Variants in KCNQ3 observed in about 807,000 individuals in gnomAD.
KCNQ3 encodes potassium voltage-gated channel subfamily Q member 3, also known as potassium voltage-gated channel subfamily KQT member 3.
A neutral mutation model predicts 92.5 loss-of-function variants in KCNQ3; 30 were observed. The ratio of observed to expected loss-of-function variants is 0.32; its 90% CI spans 0.24 to 0.44. The LOEUF (loss-of-function observed/expected upper bound fraction) is 0.44. Ranked by LOEUF, KCNQ3 falls within the 20% of genes least tolerant of loss-of-function variation. KCNQ3 has a pLI of 1.00. For missense variants in KCNQ3, 913 were observed against 1,140.3 expected (o/e 0.80, Z 2.87); for synonymous variants, 450 against 468.8 (o/e 0.96, Z 0.52).
chr8:132,132,314 T>C (rs373945088), intron 13 of KCNQ3, 50 bp from the exon 14 acceptor site: 48 of 1,475,772 alleles, frequency 3.3e-5, no homozygotes, highest in African/African-American at 9.7e-5. Context: ...ATTTTTGCTA[T>C]GCAAGGTAAT....
At chr8:132,319,082 C>A (rs1340302734) in intron 1 of KCNQ3, among the ~76,000 whole-genome samples, 1 of 152,122 alleles carries the variant, frequency 6.6e-6, no homozygotes. Flanking sequence ...CAAGGCAATA[C>A]AGAACTTGGG....
intron 1 of KCNQ3, among the ~76,000 whole-genome samples, chr8:132,332,936 G>A (rs1184714168): frequency 6.6e-6 from 1 of 152,150 alleles, no homozygotes; most frequent in Non-Finnish European, 1.5e-5. Context: ...GTAACTGTGA[G>A]CACCTTGAGT....
At chr8:132,333,677 T>A (rs1818290858) in intron 1 of KCNQ3, among the ~76,000 whole-genome samples, 1 of 152,198 alleles carries the variant, frequency 6.6e-6, no homozygotes, top group South Asian at 2.1e-4. Context: ...TTTCTTATTT[T>A]CCCTAAACAT....
chr8:132,421,121 G>C (rs939884772), intron 1 of KCNQ3, among the ~76,000 whole-genome samples: 5 of 152,186 alleles, frequency 3.3e-5, no homozygotes, highest in Admixed American at 6.5e-5. Context: ...GGGCTTTGCT[G>C]TGTTTTCTAA....
At chr8:132,161,874 G>T (rs909257394) in intron 9 of KCNQ3, among the ~76,000 whole-genome samples, 3 of 152,146 alleles carry the variant, frequency 2.0e-5, no homozygotes, top group Non-Finnish European at 4.4e-5. Flanking sequence ...CCCATCTCCA[G>T]GTCTCATTTC....
chr8:132,414,572 C>A (rs923297912), intron 1 of KCNQ3, among the ~76,000 whole-genome samples: 17 of 152,180 alleles, frequency 1.1e-4, no homozygotes, highest in South Asian at 4.1e-4. Context: ...ACAACAGATA[C>A]TAGAACAGTT....
intron 1 of KCNQ3, among the ~76,000 whole-genome samples, chr8:132,444,158 C>T (rs1230479013): frequency 6.6e-6 from 1 of 152,128 alleles, no homozygotes. Context: ...ACCCCTATTT[C>T]CCAAGGGGTG....
chr8:132,206,691 T>C (rs1251004276), intron 1 of KCNQ3, among the ~76,000 whole-genome samples: 1 of 152,224 alleles, frequency 6.6e-6, no homozygotes, highest in African/African-American at 2.4e-5. Flanking sequence ...TCAGTTGTTA[T>C]GTCTCTTTTT....
chr8:132,446,697 T>C (rs1246061721), intron 1 of KCNQ3, among the ~76,000 whole-genome samples: 1 of 152,192 alleles, frequency 6.6e-6, no homozygotes, highest in East Asian at 1.9e-4. Context: ...ATTACAACTC[T>C]GAATGCTATT....
rs898596986 is a variant in KCNQ3 at position 132,126,172 on chromosome 8, T to G, written c.*3090A>C. 2.6e-5 allele frequency: 4 copies of G among 152,226 alleles called. No homozygotes were observed. Among genetic ancestry groups the G allele is most frequent in the African/African-American group, 9.6e-5 (4 of 41,460 alleles). 9.4% of individuals were successfully genotyped at this position (152,226 alleles called of 1,614,324 possible). On this transcript the variant is annotated 3_prime_UTR_variant, in exon 15 of 15. Coordinates refer to ENST00000388996, the MANE Select transcript of KCNQ3 (RefSeq NM_004519.4). The stretch of plus-strand genomic sequence containing the variant: ...TGATGATGGAATTAATTTGTCAATA[T>G]TTCATGGAGTTCTGCTGAAACGATT...
chr8:132,120,992 G>A lies in KCNQ3; in HGVS notation c.*8270C>T, dbSNP rs754593387. 1 of 152,102 alleles carries A rather than the reference G, an allele frequency of 6.6e-6. No individual in the cohort carries two copies. The highest frequency in any genetic ancestry group is 1.5e-5 in the Non-Finnish European group (1 of 68,028). 9.4% of individuals were successfully genotyped at this position (152,102 alleles called of 1,614,324 possible). A position where few individuals can be genotyped will look rare whatever the true frequency, so the allele number is the denominator to read the frequency against. The stretch of plus-strand genomic sequence containing the variant: ...TAAAGTTGTTCAAATATTGGACAGA[G>A]CCAGAATATAAATTACACATACAGT... On this transcript the variant is annotated 3_prime_UTR_variant, in exon 15 of 15. Coordinates refer to ENST00000388996, the MANE Select transcript of KCNQ3 (RefSeq NM_004519.4).
At chr8:132,262,696 G>A (rs1255045483) in intron 1 of KCNQ3, among the ~76,000 whole-genome samples, 1 of 150,750 alleles carries the variant, frequency 6.6e-6, no homozygotes, top group African/African-American at 2.4e-5. Flanking sequence ...GAGGAGGGTG[G>A]GATCAAAAAA....
chr8:132,318,554 T>A (rs1374602170), intron 1 of KCNQ3, among the ~76,000 whole-genome samples: 2 of 152,178 alleles, frequency 1.3e-5, no homozygotes, highest in South Asian at 2.1e-4. Context: ...CTTTTAGCTG[T>A]CATGTGGTGA....
chr8:132,253,788 T>C (rs963861887), intron 1 of KCNQ3, among the ~76,000 whole-genome samples: 1 of 152,204 alleles, frequency 6.6e-6, no homozygotes, highest in African/African-American at 2.4e-5. Context: ...AACCCAACCA[T>C]GATCGATTTT....
At chr8:132,196,107 T>C (rs1827291190) in intron 1 of KCNQ3, among the ~76,000 whole-genome samples, 1 of 152,178 alleles carries the variant, frequency 6.6e-6, no homozygotes, top group Non-Finnish European at 1.5e-5. Context: ...AACTTACAAT[T>C]TCATCAAAAT....
rs1826423052 is a variant in KCNQ3 at position 132,172,818 on chromosome 8, G to C, written c.1045-125C>G. 1.6e-5 allele frequency: 12 copies of C among 728,312 alleles called. 1 individual carries two copies. In the South Asian group the frequency reaches 1.7e-4, roughly 10 times the overall value. 45.1% of individuals were successfully genotyped at this position (728,312 alleles called of 1,614,324 possible). A position where few individuals can be genotyped will look rare whatever the true frequency, so the allele number is the denominator to read the frequency against. On this transcript the variant is annotated intron_variant, in intron 6 of 14. Coordinates refer to ENST00000388996, the MANE Select transcript of KCNQ3 (RefSeq NM_004519.4). ...TTCAAGTCCTTGCAGTGACAACACT[G>C]TACAAAGAAGGGAAGGGGGAAAGAG...
At chr8:132,141,483 G>A (rs1314679793) in intron 9 of KCNQ3, 152 bp from the exon 10 acceptor site, 10 of 747,870 alleles carry the variant, frequency 1.3e-5, no homozygotes, top group African/African-American at 6.9e-5. Flanking sequence ...GCTTGGAATC[G>A]GACAGGGCGT....
At chr8:132,364,814 C>T (rs1277484337) in intron 1 of KCNQ3, among the ~76,000 whole-genome samples, 1 of 152,068 alleles carries the variant, frequency 6.6e-6, no homozygotes, top group African/African-American at 2.4e-5. Flanking sequence ...ACTTATACTA[C>T]TAATCATATA....
chr8:132,328,194 G>A (rs1324447682), intron 1 of KCNQ3, among the ~76,000 whole-genome samples: 3 of 151,978 alleles, frequency 2.0e-5, no homozygotes, highest in Admixed American at 6.6e-5. Context: ...CATAAGGCAC[G>A]GGCTTCCCAT....
Sources: allele counts gnomAD v4.1 joint callset (sites outside exome capture counted in the v4.1 genomes callset), GRCh38; gene constraint gnomAD v4.1.1; transcripts MANE v1.5; gene names NCBI Gene and HGNC (gene_info 2026-07-23, HGNC 2026-07-21).